MCF2L: variants seen among roughly 807,000 people sequenced by gnomAD.
The protein encoded by MCF2L is guanine nucleotide exchange factor DBS.
Under a neutral mutation model 153.4 loss-of-function variants are expected in MCF2L, and 97 were observed. That is an observed-to-expected ratio of 0.63 (90% CI 0.54 to 0.75). The LOEUF (loss-of-function observed/expected upper bound fraction) is 0.75, where lower values mean the gene tolerates loss of function less well. Among genes scored for constraint, MCF2L ranks in the 30% least tolerant of loss-of-function variants. MCF2L has a pLI of 0.00. For synonymous variants in MCF2L, 659 were observed against 632.2 expected (o/e 1.04, Z -0.64); for missense variants, 1,347 against 1,495.2 (o/e 0.90, Z 1.64).
At chr13:113,060,328 T>C (rs1427643910) in intron 4 of MCF2L, among the ~76,000 whole-genome samples, 1 of 152,238 alleles carries the variant, frequency 6.6e-6, no homozygotes, top group Non-Finnish European at 1.5e-5. Context: ...CCCTAACAAC[T>C]GTCGTAAGCT....
At chr13:113,002,274 CTG>C (rs1326574661) in intron 1 of MCF2L, among the ~76,000 whole-genome samples, 8 of 152,244 alleles carry the variant, frequency 5.3e-5, no homozygotes, top group African/African-American at 1.7e-4. Flanking sequence ...TGCCCTTGGC[CTG>C]TGAGGGACTG....
In MCF2L at chr13:113,078,405, C is replaced by T. The variant is rs370451593; in HGVS notation, c.1703C>T (p.Ala568Val). ...GSENSSSEGG[A>V]LRRGPYRRAK... ...GAGAACTCCAGCTCCGAGGGCGGTGCGCTCCGGAGAGGGCCCTACCGGAGG... is the reference window on the plus strand; with the variant it reads ...GAGAACTCCAGCTCCGAGGGCGGTGTGCTCCGGAGAGGGCCCTACCGGAGG... Residue 568 changes from alanine to valine, a missense_variant, in exon 14 of 30, where the codon GCG (alanine) becomes GTG (valine). Ala to Val is a moderately conservative substitution (Grantham distance 64, BLOSUM62 0). This residue lies in a region of MCF2L where 820 missense variants were observed against 921.2 expected (regional missense o/e 0.89). Transcript: ENST00000535094. The T allele has an allele frequency of 4.1e-5, 66 of 1,612,692 alleles. No homozygotes were observed. The Middle Eastern group carries it at 4.9e-4, about 12-fold the overall frequency.
Position 113,003,074 on chromosome 13 carries a change from G to C in MCF2L, c.80-11689G>C, listed in dbSNP as rs554218046. Among the ~76,000 whole-genome samples, 142 of 152,226 alleles carry C rather than the reference G, an allele frequency of 9.3e-4. 1 individual carries two copies. The highest frequency in any genetic ancestry group is 3.3e-3 in the African/African-American group (136 of 41,548). Reference sequence around the variant, plus strand: ...GCCTGTAGTCCCAGCCACCTGGGGGGCTGAGAGGGGAGAATCATTTGAGCC... The same window carrying C: ...GCCTGTAGTCCCAGCCACCTGGGGGCCTGAGAGGGGAGAATCATTTGAGCC... On this transcript the variant is annotated intron_variant, in intron 1 of 29. Coordinates refer to ENST00000535094, the MANE Select transcript of MCF2L (RefSeq NM_001112732.3).
chr13:113,060,830 C>T, intron 5 of MCF2L, 118 bp downstream of exon 5: 1 of 1,373,912 alleles, frequency 7.3e-7, no homozygotes, highest in African/African-American at 1.4e-5. Context: ...GTCAACAAAA[C>T]CCCGCAGGAC....
At chr13:112,997,660 G>A (rs1244005113) in intron 1 of MCF2L, among the ~76,000 whole-genome samples, 2 of 152,244 alleles carry the variant, frequency 1.3e-5, no homozygotes, top group African/African-American at 4.8e-5. Context: ...GTCCATCCGG[G>A]AGGAGGAGAA....
At chr13:112,980,019 C>T (rs1412408163) in intron 1 of MCF2L, among the ~76,000 whole-genome samples, 2 of 152,182 alleles carry the variant, frequency 1.3e-5, no homozygotes, top group African/African-American at 2.4e-5. Flanking sequence ...ATTTCCGCTC[C>T]GATTGGAAAG....
chr13:112,969,302 A>T lies in MCF2L; in HGVS notation c.-78A>T. ...CCCGCCTCCGCCGCGCCCCCTCCGC[A>T]CTCGCACGGCCCCACCCGCAGGCGC... On this transcript the variant is annotated 5_prime_UTR_variant, in exon 1 of 30. Transcript: ENST00000535094. This position sits in a 1 kb window ranked among gnomAD's most constrained non-coding sequence, Gnocchi z 4.8. 5.9e-6 allele frequency: 9 copies of T among 1,527,902 alleles called. No individual in the cohort carries two copies. The highest frequency in any genetic ancestry group is 7.9e-6 in the Non-Finnish European group (9 of 1,132,502). 94.6% of individuals were successfully genotyped at this position (1,527,902 alleles called of 1,614,324 possible).
chr13:112,918,186 G>A (rs2081315088), intron 2 of MCF2L, among the ~76,000 whole-genome samples: 2 of 152,218 alleles, frequency 1.3e-5, no homozygotes, highest in African/African-American at 4.8e-5. Context: ...GAAGGCATCT[G>A]CGCGGGAGGA....
At chr13:112,908,732 G>GTTTGTT (rs10627226) in intron 2 of MCF2L, among the ~76,000 whole-genome samples, 152 of 148,642 alleles carry the variant, frequency 1.0e-3, no homozygotes, top group Middle Eastern at 6.9e-3. Context: ...TTTTGTTTTG[G>GTTTGTT]TTTTTTTTTG....
In MCF2L at chr13:113,097,094, C is replaced by CCCGGGCGGCAGGCG. The variant is rs2035731366; in HGVS notation, c.*242_*255dup. On this transcript the variant is annotated 3_prime_UTR_variant, in exon 30 of 30. Transcript: ENST00000535094. ...CAGAGGAGGGGCCGCAGGGAACAGC[C>CCCGGGCGGCAGGCG]CCGGGCGGCAGGCGCCGGGCAGCGG... is the stretch of plus-strand genomic sequence containing the variant. 5.7e-6 allele frequency: 2 copies of CCCGGGCGGCAGGCG among 350,392 alleles called. No homozygotes were observed. The highest frequency in any genetic ancestry group is 4.3e-5 in the African/African-American group (2 of 46,758). 21.7% of individuals were successfully genotyped at this position (350,392 alleles called of 1,614,324 possible).
At chr13:113,089,183 C>T (rs1429608209) in intron 25 of MCF2L, among the ~76,000 whole-genome samples, 1 of 133,952 alleles carries the variant, frequency 7.5e-6, no homozygotes, top group Non-Finnish European at 1.6e-5. Context: ...CCCCCCCCGC[C>T]CCCCGAAAAA....
rs1260718269 is a variant in MCF2L at position 113,084,892 on chromosome 13, A to G, written c.2062A>G (p.Met688Val). ...ATGCGGTGCCTGTCCCTCGGTGCAG[A>G]TGGAAGATTTCCAGATCTATGAGAA... ...ELVGRCFLER[M>V]EDFQIYEKYC... Residue 688 changes from methionine (M) to valine (V), a missense_variant and splice_region_variant, in exon 19 of 30, where the codon ATG becomes GTG. Around this residue, in one of 3 missense-constraint regions of MCF2L, gnomAD observed 820 missense variants for 921.2 expected, o/e 0.89. Coordinates refer to ENST00000535094, the MANE Select transcript of MCF2L (RefSeq NM_001112732.3). 6.2e-7 allele frequency: 1 copy of G among 1,613,032 alleles called. No individual in the cohort carries two copies. Among genetic ancestry groups the G allele is most frequent in the Admixed American group, 1.7e-5 (1 of 60,028 alleles).
chr13:112,983,562 G>T lies in MCF2L; in HGVS notation c.79+14104G>T, dbSNP rs1264130519. ...TCCAAAGCCCGTGGTGCTGGGCACG[G>T]CAGAGCCGTAGGCGGAGACAGGGAG... On this transcript the variant is annotated intron_variant, in intron 1 of 29. Coordinates refer to ENST00000535094, the MANE Select transcript of MCF2L (RefSeq NM_001112732.3). The surrounding 1 kb of genome is among the most constrained non-coding windows in gnomAD (Gnocchi z 4.0). Among the ~76,000 whole-genome samples, 2 of 152,242 alleles carry T rather than the reference G, an allele frequency of 1.3e-5. No homozygotes were observed. The highest frequency in any genetic ancestry group is 4.8e-5 in the African/African-American group (2 of 41,474).
intron 1 of MCF2L, among the ~76,000 whole-genome samples, chr13:112,900,266 T>C (rs565527864): frequency 1.8e-4 from 28 of 152,350 alleles, no homozygotes; most frequent in Admixed American, 1.6e-3. Flanking sequence ...CTGCGCCAGG[T>C]TGTCCTCAGG....
chr13:113,016,130 G>A (rs192036111), intron 2 of MCF2L, among the ~76,000 whole-genome samples: 3 of 152,306 alleles, frequency 2.0e-5, no homozygotes, highest in Non-Finnish European at 2.9e-5. Context: ...TTCCTCAGAC[G>A]CCAGCCCAGG....
At chr13:113,033,034 G>A (rs1413419830) in intron 3 of MCF2L, among the ~76,000 whole-genome samples, 2 of 149,056 alleles carry the variant, frequency 1.3e-5, no homozygotes, top group Non-Finnish European at 3.0e-5. Flanking sequence ...TGGACCCCGT[G>A]GCGTGAGTGG....
chr13:113,088,479 C>CGGTT, intron 24 of MCF2L, 74 bp downstream of exon 24: 2 of 1,604,976 alleles, frequency 1.2e-6, no homozygotes, highest in Non-Finnish European at 1.7e-6. Flanking sequence ...TCAGAGCAAC[C>CGGTT]GCACAGTCCC....
At chr13:112,918,190 G>A (rs558909028) in intron 2 of MCF2L, among the ~76,000 whole-genome samples, 35 of 152,338 alleles carry the variant, frequency 2.3e-4, no homozygotes, top group Middle Eastern at 3.4e-3. Flanking sequence ...GCATCTGCGC[G>A]GGAGGAACTG....
chr13:112,980,218 G>C (rs1465402766), intron 1 of MCF2L, among the ~76,000 whole-genome samples: 1 of 152,252 alleles, frequency 6.6e-6, no homozygotes, highest in Non-Finnish European at 1.5e-5. Context: ...GGAACAGCAC[G>C]TTTGCTCGGC....
Sources: allele counts gnomAD v4.1 joint callset (sites outside exome capture counted in the v4.1 genomes callset), GRCh38; gene constraint gnomAD v4.1.1; regional missense constraint gnomAD v4.1.1; non-coding constraint Gnocchi (gnomAD v3.1); transcripts MANE v1.5; gene names NCBI Gene and HGNC (gene_info 2026-07-23, HGNC 2026-07-21).